The following OPA1 variants were observed in gnomAD, a reference collection of about 807,000 sequenced individuals.
OPA1 encodes OPA1 mitochondrial dynamin like GTPase, also known as dynamin-like GTPase OPA1, mitochondrial.
OPA1 carries 59 observed loss-of-function variants against 152.9 expected under a neutral mutation model. The ratio of observed to expected loss-of-function variants is 0.39; its 90% confidence interval spans 0.31 to 0.48. The LOEUF is 0.48. OPA1 is among the 20% of genes least tolerant of loss of function. OPA1 has a pLI of 0.96. For missense variants in OPA1, 1,008 were observed against 1,216.8 expected, an observed-to-expected ratio of 0.83 and a Z score of 2.55; for synonymous variants, 400 against 389.9, an observed-to-expected ratio of 1.03 and a Z score of -0.31.
intron 29 of OPA1, chr3:193,668,464 T>C: frequency 1.3e-6 from 2 of 1,550,656 alleles, no homozygotes; most frequent in Non-Finnish European, 1.7e-6. Context: ...TACTGAGCTC[T>C]GCTCTGACGC....
rs1423458322 is a variant in OPA1 at position 193,654,977 on chromosome 3, A to G, written c.2128A>G (p.Ile710Val). 1.9e-6 allele frequency: 3 copies of G among 1,613,996 alleles called. No individual in the cohort carries two copies. The East Asian group carries it at 6.7e-5, about 36-fold the overall frequency. Residue 710 changes from isoleucine to valine, a missense_variant, in exon 22 of 31, where the codon ATC becomes GTC. By Grantham distance (29) the Ile-to-Val change is conservative (BLOSUM62 3). This residue lies in a region of OPA1 where 229 missense variants were observed against 269.0 expected (regional missense o/e 0.85). Transcript: ENST00000361510. ...AGGAACTTTTAACACCACAGTGGAT[A>G]TCAAGCTTAAACAGTGGACTGATAA... ...NSGTFNTTVDIKLKQWTDKQL... is the reference protein window; with the variant it reads ...NSGTFNTTVDVKLKQWTDKQL...
intron 19 of OPA1, 31 bp downstream of exon 19, chr3:193,647,211 A>G (rs201327458): frequency 6.4e-6 from 9 of 1,410,418 alleles, no homozygotes; most frequent in Non-Finnish European, 8.0e-6. Context: ...AAGCAAGCAA[A>G]TTAAGACATT....
chr3:193,614,991 C>A lies in OPA1; in HGVS notation c.301C>A (p.Arg101Ser), dbSNP rs371943668. The change falls in exon 2 of 31, where the codon CGC (arginine) becomes AGC (serine). Residue 101 changes from arginine to serine, a missense_variant. Coordinates refer to ENST00000361510, the MANE Select transcript of OPA1 (RefSeq NM_130837.3). Reference sequence around the variant, plus strand: ...ATTAGCTACGAGACTCTTAAAACTTCGCTATCTCATACTAGGATCGGCTGT... The same window carrying A: ...ATTAGCTACGAGACTCTTAAAACTTAGCTATCTCATACTAGGATCGGCTGT... ...ARLATRLLKL[R>S]YLILGSAVGG... is the part of the protein sequence containing the mutation. The A allele has an allele frequency of 1.2e-6, 2 of 1,614,178 alleles. No homozygotes were observed. Among genetic ancestry groups the A allele is most frequent in the Non-Finnish European group, 1.7e-6 (2 of 1,180,016 alleles).
chr3:193,672,199 A>C (rs967784203), intron 29 of OPA1, among the ~76,000 whole-genome samples: 2 of 152,194 alleles, frequency 1.3e-5, no homozygotes, highest in African/African-American at 4.8e-5. Context: ...AGTTCAATTC[A>C]AAGTTGTTCT....
intron 5 of OPA1, chr3:193,618,574 C>T: frequency 5.4e-6 from 2 of 368,416 alleles, no homozygotes; most frequent in East Asian, 5.8e-5. Flanking sequence ...TAAGTACTCT[C>T]ATGTAAAATA....
chr3:193,595,418 A>C (rs1259020363), intron 1 of OPA1, among the ~76,000 whole-genome samples: 1 of 152,244 alleles, frequency 6.6e-6, no homozygotes, highest in African/African-American at 2.4e-5. Flanking sequence ...AAGAGAGTAG[A>C]TTTCTGGGGG....
intron 29 of OPA1, among the ~76,000 whole-genome samples, chr3:193,681,969 G>A (rs534071786): frequency 6.6e-6 from 1 of 152,322 alleles, no homozygotes; most frequent in East Asian, 1.9e-4. Flanking sequence ...GTGAAAGAAA[G>A]AGTGCCATAT....
intron 30 of OPA1, among the ~76,000 whole-genome samples, chr3:193,693,135 C>G (rs1039245476): frequency 2.0e-5 from 3 of 147,608 alleles, no homozygotes; most frequent in African/African-American, 8.1e-5. Flanking sequence ...CCCTCCCTGG[C>G]TACGCTCGGT....
chr3:193,670,289 T>C (rs760960205), intron 29 of OPA1, among the ~76,000 whole-genome samples: 10 of 152,196 alleles, frequency 6.6e-5, no homozygotes, highest in Non-Finnish European at 1.5e-4. Context: ...TTACAGAATA[T>C]TGTATAGAGT....
chr3:193,672,650 C>T (rs2109327501), intron 29 of OPA1, among the ~76,000 whole-genome samples: 1 of 152,210 alleles, frequency 6.6e-6, no homozygotes, highest in African/African-American at 2.4e-5. Flanking sequence ...GGGTGGATCA[C>T]CTGAGGTCAG....
intron 1 of OPA1, among the ~76,000 whole-genome samples, chr3:193,595,705 T>G (rs370122311): frequency 5.9e-5 from 9 of 152,320 alleles, no homozygotes; most frequent in African/African-American, 2.2e-4. Flanking sequence ...TTTCTTTTGC[T>G]ACTCATTTGA....
In OPA1 at chr3:193,664,646, C is replaced by G. The variant is rs189522237; in HGVS notation, c.2662-234C>G. ...TTATAGTAACAGCATTTGTTTAAAT[C>G]ATTGCTAATTTTTAAGTACATAAAC... On this transcript the variant is annotated intron_variant, in intron 26 of 30. Transcript: ENST00000361510. Among the ~76,000 whole-genome samples the G allele has an allele frequency of 4.4e-3, 674 of 151,902 alleles. 1 individual carries two copies. Among genetic ancestry groups the G allele is most frequent in the Non-Finnish European group, 7.1e-3 (485 of 67,886 alleles).
Position 193,637,185 on chromosome 3 carries a change from A to AT in OPA1, c.949-5dup. Reference sequence around the variant, plus strand: ...CTGTTTTATATTATAACTTTTTAAAATTTTTACAGAAATCTTTGATTGACA... The same window carrying AT: ...CTGTTTTATATTATAACTTTTTAAAATTTTTTACAGAAATCTTTGATTGACA... On this transcript the variant is annotated splice_polypyrimidine_tract_variant and intron_variant, in intron 9 of 30. Transcript: ENST00000361510. 2 of 1,531,542 alleles carry AT rather than the reference A, an allele frequency of 1.3e-6. No individual in the cohort carries two copies. Among genetic ancestry groups the AT allele is most frequent in the Non-Finnish European group, 1.8e-6 (2 of 1,116,724 alleles). The allele number at this position is 1,531,542 out of a possible 1,614,324, so 94.9% of individuals were successfully genotyped here.
chr3:193,631,518 T>G, intron 7 of OPA1, 94 bp from the exon 8 acceptor site: 1 of 853,738 alleles, frequency 1.2e-6, no homozygotes, highest in East Asian at 2.5e-5. Flanking sequence ...AAGTCAGTTG[T>G]TTTTAACTCT....
intron 26 of OPA1, 31 bp downstream of exon 26, chr3:193,662,993 GCTTC>G: frequency 6.2e-7 from 1 of 1,608,912 alleles, no homozygotes; most frequent in Non-Finnish European, 8.5e-7. Context: ...GCAGGAATCT[GCTTC>G]CTTAATATTT....
intron 2 of OPA1, 117 bp from the exon 3 acceptor site, chr3:193,615,557 A>G: frequency 1.4e-6 from 1 of 733,224 alleles, no homozygotes; most frequent in Non-Finnish European, 2.4e-6. Flanking sequence ...GTTTCTTAAA[A>G]GTTTTGAACA....
intron 11 of OPA1, among the ~76,000 whole-genome samples, chr3:193,642,222 A>G (rs1733883884): frequency 6.6e-6 from 1 of 152,066 alleles, no homozygotes; most frequent in Non-Finnish European, 1.5e-5. Context: ...CTTCTGTGGC[A>G]CCCTAGGTTT....
intron 1 of OPA1, among the ~76,000 whole-genome samples, chr3:193,598,419 A>G (rs1725942573): frequency 6.6e-6 from 1 of 152,168 alleles, no homozygotes; most frequent in South Asian, 2.1e-4. Flanking sequence ...TGAATTGCTA[A>G]GAGAGATGAA....
intron 29 of OPA1, among the ~76,000 whole-genome samples, chr3:193,683,205 A>G (rs1313542175): frequency 2.0e-5 from 3 of 152,102 alleles, no homozygotes; most frequent in African/African-American, 7.2e-5. Flanking sequence ...TTCTGTTGTA[A>G]TATGATAAAA....
Sources: allele counts gnomAD v4.1 joint callset (sites outside exome capture counted in the v4.1 genomes callset), GRCh38; gene constraint gnomAD v4.1.1; regional missense constraint gnomAD v4.1.1; transcripts MANE v1.5; gene names NCBI Gene and HGNC (gene_info 2026-07-23, HGNC 2026-07-21).